XPO1: variants seen among roughly 807,000 people sequenced by gnomAD.
XPO1 encodes the protein exportin-1.
In XPO1, 5 loss-of-function variants were observed where a neutral mutation model predicts 133.3. The observed-to-expected ratio is 0.04, with a 90% CI of 0.02 to 0.08. XPO1 has a LOEUF of 0.08. Ranked by LOEUF, XPO1 falls within the 10% of genes least tolerant of loss-of-function variation. The probability of loss-of-function intolerance (pLI) is 1.00; values close to 1 mark genes in which losing one functional copy is unlikely to be tolerated. For synonymous variants in XPO1, 419 were observed against 408.2 expected, an observed-to-expected ratio of 1.03 and a Z score of -0.32; for missense variants, 506 against 1,267.5, an observed-to-expected ratio of 0.40 and a Z score of 9.12.
In XPO1 at chr2:61,537,614, G is replaced by A. The variant is rs1444875511; in HGVS notation, c.-59C>T. On this transcript the variant is annotated 5_prime_UTR_variant, in exon 1 of 25. Coordinates refer to ENST00000401558, the MANE Select transcript of XPO1 (RefSeq NM_003400.4). The stretch of plus-strand genomic sequence containing the variant: ...TTCCTCGTTGGGGGATTAGGGCGAG[G>A]GAAGGTGGGGAGGGGGGAGAGGGGA... 6.6e-6 allele frequency: 1 copy of A among 151,860 alleles called. No individual in the cohort carries two copies. The highest frequency in any genetic ancestry group is 2.0e-4 in the South Asian group (1 of 4,992). The allele number at this position is 151,860 out of a possible 1,614,324, so 9.4% of individuals were successfully genotyped here.
At chr2:61,517,266 C>G (rs1189516863) in intron 4 of XPO1, among the ~76,000 whole-genome samples, 1 of 152,134 alleles carries the variant, frequency 6.6e-6, no homozygotes, top group Non-Finnish European at 1.5e-5. Flanking sequence ...GAATCAACAC[C>G]ACTGGCAGTC....
intron 23 of XPO1, among the ~76,000 whole-genome samples, 166 bp from the exon 24 acceptor site, chr2:61,481,447 T>G (rs373745620): frequency 9.9e-5 from 15 of 152,186 alleles, no homozygotes; most frequent in Admixed American, 7.2e-4. Flanking sequence ...AATGTTTTTT[T>G]TTTTTAATCA....
chr2:61,530,586 G>T (rs10186325), intron 2 of XPO1, among the ~76,000 whole-genome samples: 90,777 of 151,748 alleles, frequency 0.6, 27,228 homozygotes, highest in Middle Eastern at 0.7. Flanking sequence ...GAAAAATGCT[G>T]ATAACAGAGG....
chr2:61,478,538 T>G lies in XPO1; in HGVS notation c.*282A>C. 2 of 351,190 alleles carry G rather than the reference T, an allele frequency of 5.7e-6. No homozygotes were observed. The highest frequency in any genetic ancestry group is 5.1e-6 in the Non-Finnish European group (1 of 196,144). The allele number at this position is 351,190 out of a possible 1,614,324, so 21.8% of individuals were successfully genotyped here. On this transcript the variant is annotated 3_prime_UTR_variant, in exon 25 of 25. Coordinates refer to ENST00000401558, the MANE Select transcript of XPO1 (RefSeq NM_003400.4). ...AGTATATGTTCAAATCGAATTTGCC[T>G]CCTCCCCCCAGCCCAGCCACAAAAA... is the stretch of plus-strand genomic sequence containing the variant.
chr2:61,525,585 A>G, intron 3 of XPO1: 1 of 1,017,020 alleles, frequency 9.8e-7, no homozygotes, highest in Non-Finnish European at 1.2e-6. Context: ...CTTAAACATT[A>G]GTAATGTCTG....
At chr2:61,527,029 C>A (rs1453320356) in intron 2 of XPO1, among the ~76,000 whole-genome samples, 1 of 151,982 alleles carries the variant, frequency 6.6e-6, no homozygotes, top group Admixed American at 6.6e-5. Context: ...TTTAAAGGTG[C>A]AAATATTTTA....
In XPO1 at chr2:61,515,264, T is replaced by C. The variant is rs528154911; in HGVS notation, c.301+7347A>G. 2.6e-4 allele frequency among the ~76,000 whole-genome samples: 39 copies of C among 152,032 alleles called. 2 individuals are homozygous for C. Among genetic ancestry groups the C allele is most frequent in the East Asian group, 1.9e-3 (10 of 5,168 alleles). ...AACTGTACACTTTAAACCTAATAAA[T>C]AAGGCAAATACAAAAATTCTCAAAG... On this transcript the variant is annotated intron_variant, in intron 4 of 24. Coordinates refer to ENST00000401558, the MANE Select transcript of XPO1 (RefSeq NM_003400.4).
intron 2 of XPO1, among the ~76,000 whole-genome samples, chr2:61,531,618 C>A (rs561748053): frequency 1.3e-5 from 2 of 152,146 alleles, no homozygotes; most frequent in Non-Finnish European, 2.9e-5. Flanking sequence ...TGAATCTATG[C>A]GGAAAAAATT....
At chr2:61,482,034 CTTTT>C (rs1195049382) in intron 23 of XPO1, among the ~76,000 whole-genome samples, 12,807 of 71,354 alleles carry the variant, frequency 0.18, 1,065 homozygotes, top group African/African-American at 0.23. Context: ...CGTGCGTGGC[CTTTT>C]TTTTTTTTTT....
At chr2:61,482,635 T>C in intron 22 of XPO1, 96 bp from the exon 23 acceptor site, 2 of 1,156,984 alleles carry the variant, frequency 1.7e-6, no homozygotes, top group Non-Finnish European at 2.3e-6. Context: ...AGACGGAGTC[T>C]CGCTCTGTCA....
At chr2:61,534,173 T>C in intron 1 of XPO1, 1 of 262,006 alleles carries the variant, frequency 3.8e-6, no homozygotes, top group South Asian at 9.8e-5. Flanking sequence ...TACTAACATT[T>C]ATAAAGTATG....
intron 4 of XPO1, among the ~76,000 whole-genome samples, chr2:61,507,073 T>A (rs1697858896): frequency 6.6e-6 from 1 of 150,772 alleles, no homozygotes; most frequent in African/African-American, 2.4e-5. Flanking sequence ...CTACTAAAAA[T>A]GCAAAAAATA....
rs540875319 is a variant in XPO1, at chr2:61,498,650, T to A, written c.759+23A>T. On this transcript the variant is annotated intron_variant, in intron 9 of 24. Coordinates refer to ENST00000401558, the MANE Select transcript of XPO1 (RefSeq NM_003400.4). ...ATATATGTGGCTATCCGGTGACAAATAACTGAAATGTATTCACTGTACCTT... is the reference window on the plus strand; with the variant it reads ...ATATATGTGGCTATCCGGTGACAAAAAACTGAAATGTATTCACTGTACCTT... The A allele has an allele frequency of 3.2e-5, 51 of 1,610,758 alleles. No individual in the cohort carries two copies. In the East Asian group the frequency reaches 1.1e-3, roughly 36 times the overall value.
chr2:61,489,569 T>G (rs1696865190), intron 17 of XPO1, among the ~76,000 whole-genome samples: 2 of 151,900 alleles, frequency 1.3e-5, no homozygotes, highest in Non-Finnish European at 2.9e-5. Flanking sequence ...ATTTTTTTTT[T>G]TTTGGGACGG....
intron 2 of XPO1, among the ~76,000 whole-genome samples, chr2:61,532,025 A>G (rs1197052752): frequency 2.0e-5 from 3 of 152,228 alleles, no homozygotes; most frequent in East Asian, 3.8e-4. Flanking sequence ...ACATTTATAC[A>G]TGATGCTTTT....
intron 4 of XPO1, among the ~76,000 whole-genome samples, chr2:61,506,147 C>G (rs574791307): frequency 6.6e-6 from 1 of 152,068 alleles, no homozygotes; most frequent in Non-Finnish European, 1.5e-5. Flanking sequence ...TCCAGCCGGA[C>G]GGATGGCTCA....
chr2:61,517,502 C>T (rs935596533), intron 4 of XPO1, among the ~76,000 whole-genome samples: 3 of 152,146 alleles, frequency 2.0e-5, no homozygotes, highest in Admixed American at 2.0e-4. Context: ...GTGGTAACTG[C>T]CTGAGCTCAG....
At chr2:61,514,186 C>CAAAA (rs745472954) in intron 4 of XPO1, among the ~76,000 whole-genome samples, 1 of 113,772 alleles carries the variant, frequency 8.8e-6, no homozygotes. Flanking sequence ...GGCTCCGTCT[C>CAAAA]AAAAAAAAAA....
intron 2 of XPO1, among the ~76,000 whole-genome samples, chr2:61,528,191 G>C (rs755911869): frequency 1.3e-5 from 2 of 151,920 alleles, no homozygotes; most frequent in Non-Finnish European, 2.9e-5. Context: ...TCCCCAAAGT[G>C]CTGGGATTAC....
Sources: allele counts gnomAD v4.1 joint callset (sites outside exome capture counted in the v4.1 genomes callset), GRCh38; gene constraint gnomAD v4.1.1; transcripts MANE v1.5; gene names NCBI Gene and HGNC (gene_info 2026-07-23, HGNC 2026-07-21).